TMTC2: variants seen among roughly 807,000 people sequenced by gnomAD.
TMTC2 encodes the protein transmembrane O-mannosyltransferase targeting cadherins 2.
Under a neutral mutation model 82.4 loss-of-function variants are expected in TMTC2, and 43 were observed. The ratio of observed to expected loss-of-function variants is 0.52; its 90% CI spans 0.41 to 0.67. The LOEUF (loss-of-function observed/expected upper bound fraction) is 0.67. Ranked by LOEUF, TMTC2 falls within the 30% of genes least tolerant of loss-of-function variation. The pLI is 0.00. For missense variants in TMTC2, 919 were observed against 1,012.4 expected (o/e 0.91, Z 1.25); for synonymous variants, 408 against 381.9 (o/e 1.07, Z -0.80).
At chr12:82,878,786 C>G (rs1051423181) in intron 2 of TMTC2, among the ~76,000 whole-genome samples, 26 of 152,128 alleles carry the variant, frequency 1.7e-4, no homozygotes, top group African/African-American at 5.8e-4. Flanking sequence ...TCTTATGGTC[C>G]CAGTTACTCG....
Position 82,896,107 on chromosome 12 carries a change from C to T in TMTC2, c.944C>T (p.Ala315Val), listed in dbSNP as rs1873663622. The T allele has an allele frequency of 1.2e-6, 2 of 1,613,886 alleles. No individual in the cohort carries two copies. The highest frequency in any genetic ancestry group is 2.7e-5 in the African/African-American group (2 of 74,852). The change falls in exon 3 of 12, where the codon GCC (alanine) becomes GTC (valine). Residue 315 changes from alanine to valine, a missense_variant. Physicochemically the swap from Ala to Val is moderately conservative, Grantham distance 64. Transcript: ENST00000321196. ...VCDWRNLHTV[A>V]FYTGLLLLAY... The stretch of plus-strand genomic sequence containing the variant: ...GACTGGAGAAACCTACACACTGTGG[C>T]CTTCTATACTGGACTCCTTCTCCTT...
chr12:82,986,572 G>A (rs1879164862), intron 8 of TMTC2: 1 of 152,784 alleles, frequency 6.5e-6, no homozygotes, highest in African/African-American at 2.4e-5. Context: ...GCCCCAAATT[G>A]GCTATACTTA....
At chr12:83,001,259 C>T (rs1185237667) in intron 8 of TMTC2, among the ~76,000 whole-genome samples, 1 of 152,150 alleles carries the variant, frequency 6.6e-6, no homozygotes, top group Middle Eastern at 3.2e-3. Flanking sequence ...ATTTTCCAAA[C>T]TTTTACGCTC....
intron 8 of TMTC2, among the ~76,000 whole-genome samples, chr12:83,028,016 A>G (rs185839911): frequency 1.3e-5 from 2 of 152,244 alleles, no homozygotes; most frequent in Admixed American, 1.3e-4. Context: ...TACTGATGAT[A>G]GCTTTCATTT....
intron 1 of TMTC2, among the ~76,000 whole-genome samples, chr12:82,688,026 T>G (rs1384556906): frequency 6.6e-6 from 1 of 152,226 alleles, no homozygotes; most frequent in Non-Finnish European, 1.5e-5. Context: ...TAAGTGATTT[T>G]ACGTCTGGTT....
intron 8 of TMTC2, among the ~76,000 whole-genome samples, chr12:82,994,005 G>T (rs1189915613): frequency 6.6e-6 from 1 of 152,112 alleles, no homozygotes; most frequent in Non-Finnish European, 1.5e-5. Context: ...TGAGCAGCGT[G>T]CATGTAACAG....
intron 11 of TMTC2, among the ~76,000 whole-genome samples, chr12:83,066,693 A>G (rs1008462849): frequency 6.6e-6 from 1 of 152,010 alleles, no homozygotes; most frequent in Admixed American, 6.6e-5. Flanking sequence ...GGAAAATAAC[A>G]TAAAGATAAA....
At chr12:82,692,495 C>G (rs144601918) in intron 1 of TMTC2, among the ~76,000 whole-genome samples, 1 of 152,118 alleles carries the variant, frequency 6.6e-6, no homozygotes, top group Non-Finnish European at 1.5e-5. Flanking sequence ...GCTAAAGGTG[C>G]GTTGTCTCTA....
At chr12:82,743,807 T>A (rs1875539682) in intron 1 of TMTC2, among the ~76,000 whole-genome samples, 1 of 152,244 alleles carries the variant, frequency 6.6e-6, no homozygotes, top group East Asian at 1.9e-4. Context: ...TTAGCTCCCT[T>A]AATACTACAG....
At chr12:82,876,069 ATGATGATG>A (rs1872518767) in intron 2 of TMTC2, among the ~76,000 whole-genome samples, 1 of 102,226 alleles carries the variant, frequency 9.8e-6, no homozygotes, top group Non-Finnish European at 1.8e-5. Context: ...GGTGGTGGTG[ATGATGATG>A]ATGGTGATTA....
At chr12:83,043,698 ACTT>A (rs1026239856) in intron 9 of TMTC2, among the ~76,000 whole-genome samples, 1 of 152,192 alleles carries the variant, frequency 6.6e-6, no homozygotes, top group African/African-American at 2.4e-5. Flanking sequence ...ATAAAATGGA[ACTT>A]CTTCAAGGAT....
At chr12:82,931,369 A>C (rs530413722) in intron 4 of TMTC2, among the ~76,000 whole-genome samples, 1 of 152,248 alleles carries the variant, frequency 6.6e-6, no homozygotes, top group African/African-American at 2.4e-5. Context: ...AGGTTGGGAT[A>C]GTTTAGAATG....
intron 2 of TMTC2, among the ~76,000 whole-genome samples, chr12:82,887,125 C>G (rs761376803): frequency 6.6e-6 from 1 of 152,118 alleles, no homozygotes; most frequent in African/African-American, 2.4e-5. Context: ...TTAAATGAGC[C>G]TTATGCTTAA....
intron 1 of TMTC2, among the ~76,000 whole-genome samples, chr12:82,775,688 A>C (rs1444289516): frequency 1.3e-5 from 2 of 152,096 alleles, no homozygotes; most frequent in Non-Finnish European, 2.9e-5. Context: ...GAGAATAAAA[A>C]TGTTCTGCTT....
intron 8 of TMTC2, among the ~76,000 whole-genome samples, chr12:83,018,151 A>G (rs1880762455): frequency 6.6e-6 from 1 of 152,044 alleles, no homozygotes; most frequent in Non-Finnish European, 1.5e-5. Context: ...TGCCAGTGAC[A>G]AATGGAGGCA....
Position 83,129,078 on chromosome 12 carries a change from C to G in TMTC2, c.2332-3132C>G, listed in dbSNP as rs1885183429. Among the ~76,000 whole-genome samples the G allele has an allele frequency of 2.0e-5, 3 of 152,032 alleles. No homozygotes were observed. The South Asian group carries it at 6.2e-4, about 32-fold the overall frequency. ...CAAGAAGTTATTGTGATGTTTTAAG[C>G]ATTACATAATGCACATTTGTAGGTT... is the stretch of plus-strand genomic sequence containing the variant. On this transcript the variant is annotated intron_variant, in intron 11 of 11. Transcript: ENST00000321196.
intron 3 of TMTC2, among the ~76,000 whole-genome samples, chr12:82,902,677 C>G (rs1201948090): frequency 6.6e-6 from 1 of 152,074 alleles, no homozygotes; most frequent in Non-Finnish European, 1.5e-5. Context: ...TCTCTGGCTG[C>G]CAGTTTCTCT....
chr12:82,997,912 A>G (rs1266641970), intron 8 of TMTC2, among the ~76,000 whole-genome samples: 1 of 152,144 alleles, frequency 6.6e-6, no homozygotes, highest in Non-Finnish European at 1.5e-5. Flanking sequence ...TAGCTTATTC[A>G]TCATATGAAA....
At chr12:83,046,411 T>A (rs1023626591) in intron 9 of TMTC2, among the ~76,000 whole-genome samples, 1 of 152,206 alleles carries the variant, frequency 6.6e-6, no homozygotes, top group Admixed American at 6.5e-5. Context: ...AATCTGAAAT[T>A]CTGCGGTTGG....
Sources: allele counts gnomAD v4.1 joint callset (sites outside exome capture counted in the v4.1 genomes callset), GRCh38; gene constraint gnomAD v4.1.1; transcripts MANE v1.5; gene names NCBI Gene and HGNC (gene_info 2026-07-23, HGNC 2026-07-21).